Variants in GOLGA4 observed in about 807,000 individuals in gnomAD.
GOLGA4 encodes golgin A4, also known as golgin subfamily A member 4.
A neutral mutation model predicts 265.9 loss-of-function variants in GOLGA4; 169 were observed. The observed-to-expected ratio is 0.64, with a 90% CI of 0.56 to 0.72. The LOEUF (loss-of-function observed/expected upper bound fraction) is 0.72, where lower values mean the gene tolerates loss of function less well. Ranked by LOEUF, GOLGA4 falls within the 30% of genes least tolerant of loss-of-function variation. The pLI is 0.00. For missense variants in GOLGA4, 2,482 were observed against 2,483.4 expected, an observed-to-expected ratio of 1.00 and a Z score of 0.01; for synonymous variants, 923 against 855.8, an observed-to-expected ratio of 1.08 and a Z score of -1.37.
chr3:37,307,446 A>G (rs2150894893), intron 10 of GOLGA4, among the ~76,000 whole-genome samples: 1 of 152,334 alleles, frequency 6.6e-6, no homozygotes, highest in African/African-American at 2.4e-5. Flanking sequence ...AATTTATGTA[A>G]CAAAATTTTC....
At chr3:37,269,630 A>G (rs1189128081) in intron 2 of GOLGA4, among the ~76,000 whole-genome samples, 1 of 152,198 alleles carries the variant, frequency 6.6e-6, no homozygotes. Flanking sequence ...ACAAAATTTG[A>G]AAGCTGAAAG....
In GOLGA4 at chr3:37,344,492, CTTTTTTT is replaced by C. The variant is rs56761489; in HGVS notation, c.6473-2687_6473-2681del. 3.4e-5 allele frequency among the ~76,000 whole-genome samples: 4 copies of C among 118,204 alleles called. No individual in the cohort carries two copies. In the South Asian group the frequency reaches 8.2e-4, roughly 24 times the overall value. The allele number at this position is 118,204 out of a possible 152,430, so 77.5% of individuals were successfully genotyped here. A position where few individuals can be genotyped will look rare whatever the true frequency, so the allele number is the denominator to read the frequency against. On this transcript the variant is annotated intron_variant, in intron 20 of 23. Coordinates refer to ENST00000361924, the MANE Select transcript of GOLGA4 (RefSeq NM_002078.5). ...TATGCCTGCTCTAATACCTCACTGTCTTTTTTTTTTTTTTTTTTTTGGTAGAGATGAG... is the reference window on the plus strand; with the variant it reads ...TATGCCTGCTCTAATACCTCACTGTCTTTTTTTTTTTTTGGTAGAGATGAG...
intron 23 of GOLGA4, 62 bp from the exon 24 acceptor site, chr3:37,366,018 A>G (rs1559483761): frequency 5.8e-6 from 8 of 1,390,598 alleles, no homozygotes; most frequent in Non-Finnish European, 7.8e-6. Flanking sequence ...CAAAAAGTCA[A>G]CCTAAATGTT....
chr3:37,289,250 A>G lies in GOLGA4; in HGVS notation c.541A>G (p.Ser181Gly), dbSNP rs764309979. 20 of 1,594,168 alleles carry G rather than the reference A, an allele frequency of 1.3e-5. No homozygotes were observed. Among genetic ancestry groups the G allele is most frequent in the Non-Finnish European group, 1.7e-5 (20 of 1,164,674 alleles). ...TCAATTAAAGGGTATATTAAGTCAGAGTCAGGATAAATCACTTCGGAGAAT... is the reference window on the plus strand; with the variant it reads ...TCAATTAAAGGGTATATTAAGTCAGGGTCAGGATAAATCACTTCGGAGAAT... ...KKKLQGILSQ[S>G]QDKSLRRIAE... Residue 181 changes from serine (S) to glycine (G), a missense_variant, in exon 5 of 24, where the codon AGT (serine) becomes GGT (glycine). Physicochemically the swap from Ser to Gly is moderately conservative, Grantham distance 56. Coordinates refer to ENST00000361924, the MANE Select transcript of GOLGA4 (RefSeq NM_002078.5).
intron 3 of GOLGA4, among the ~76,000 whole-genome samples, chr3:37,283,098 A>G (rs1453865935): frequency 6.6e-6 from 1 of 152,222 alleles, no homozygotes; most frequent in African/African-American, 2.4e-5. Flanking sequence ...GAGTCAGTAT[A>G]TTAAAGATAG....
intron 2 of GOLGA4, among the ~76,000 whole-genome samples, chr3:37,269,454 A>G (rs567650949): frequency 6.6e-6 from 1 of 152,340 alleles, no homozygotes; most frequent in African/African-American, 2.4e-5. Context: ...AAAGAGAAGA[A>G]AATGTAGGGC....
At chr3:37,355,938 A>G (rs1188743320) in intron 22 of GOLGA4, among the ~76,000 whole-genome samples, 1 of 151,950 alleles carries the variant, frequency 6.6e-6, no homozygotes, top group Non-Finnish European at 1.5e-5. Context: ...CTATTTCATC[A>G]TACCAGCACT....
At chr3:37,244,342 G>A (rs142290973) in intron 1 of GOLGA4, among the ~76,000 whole-genome samples, 3 of 152,354 alleles carry the variant, frequency 2.0e-5, no homozygotes, top group African/African-American at 4.8e-5. Context: ...AAGTCTTGCT[G>A]CTCTGCGGAC....
chr3:37,244,262 C>T (rs1305670521), intron 1 of GOLGA4: 1 of 152,308 alleles, frequency 6.6e-6, no homozygotes, highest in African/African-American at 2.4e-5. Context: ...CTTCGCATAA[C>T]TTGGTTAATC....
intron 3 of GOLGA4, among the ~76,000 whole-genome samples, chr3:37,284,949 G>C (rs1312953168): frequency 6.6e-6 from 1 of 152,134 alleles, no homozygotes; most frequent in Non-Finnish European, 1.5e-5. Flanking sequence ...ACAGGTGTGA[G>C]CCACCATGCC....
intron 3 of GOLGA4, among the ~76,000 whole-genome samples, chr3:37,285,153 C>CTT (rs542285622): frequency 3.1e-5 from 4 of 127,646 alleles, no homozygotes; most frequent in Admixed American, 2.5e-4. Context: ...AGATGAGTAA[C>CTT]TTTTTTTTTT....
At chr3:37,359,909 A>G (rs1187875753) in intron 22 of GOLGA4, among the ~76,000 whole-genome samples, 1 of 152,160 alleles carries the variant, frequency 6.6e-6, no homozygotes, top group East Asian at 1.9e-4. Context: ...TGTCAAATAC[A>G]TATTTGTTTT....
At chr3:37,300,471 G>A (rs1157773665) in intron 9 of GOLGA4, among the ~76,000 whole-genome samples, 1 of 151,576 alleles carries the variant, frequency 6.6e-6, no homozygotes, top group African/African-American at 2.4e-5. Context: ...ACTTCTTGAG[G>A]GCCTACTTAA....
At chr3:37,292,638 G>A (rs924560065) in intron 5 of GOLGA4, among the ~76,000 whole-genome samples, 7 of 151,868 alleles carry the variant, frequency 4.6e-5, no homozygotes, top group African/African-American at 1.2e-4. Flanking sequence ...AGTGAGCCTA[G>A]ATCGCACCAC....
At chr3:37,342,202 C>T (rs1410502955) in intron 20 of GOLGA4, among the ~76,000 whole-genome samples, 1 of 151,926 alleles carries the variant, frequency 6.6e-6, no homozygotes, top group South Asian at 2.1e-4. Flanking sequence ...AAATTAGCCG[C>T]GTATGGTGGC....
chr3:37,302,174 C>G lies in GOLGA4; in HGVS notation c.1087-11C>G. 6.2e-7 allele frequency: 1 copy of G among 1,610,556 alleles called. No homozygotes were observed. The highest frequency in any genetic ancestry group is 8.5e-7 in the Non-Finnish European group (1 of 1,177,200). ...TTATGCAAATGTTTTAGAGTCTTCA[C>G]TTCTATTCAGGGAATGGTAATCGCA... On this transcript the variant is annotated splice_polypyrimidine_tract_variant and intron_variant, in intron 9 of 23. Coordinates refer to ENST00000361924, the MANE Select transcript of GOLGA4 (RefSeq NM_002078.5).
intron 22 of GOLGA4, among the ~76,000 whole-genome samples, chr3:37,357,558 A>G (rs1282717816): frequency 1.3e-5 from 2 of 152,220 alleles, no homozygotes; most frequent in African/African-American, 4.8e-5. Context: ...ATGAGATGAC[A>G]TGAATTAATC....
chr3:37,312,521 A>G (rs1287039558), intron 10 of GOLGA4, among the ~76,000 whole-genome samples: 1 of 150,174 alleles, frequency 6.7e-6, no homozygotes, highest in African/African-American at 2.5e-5. Flanking sequence ...TAGAATAGGA[A>G]TCTTTTTTTT....
intron 10 of GOLGA4, among the ~76,000 whole-genome samples, chr3:37,305,053 G>A (rs1425690137): frequency 6.6e-6 from 1 of 151,936 alleles, no homozygotes; most frequent in African/African-American, 2.4e-5. Context: ...TGAGTAGCTG[G>A]GTTTACAGAT....
Sources: allele counts gnomAD v4.1 joint callset (sites outside exome capture counted in the v4.1 genomes callset), GRCh38; gene constraint gnomAD v4.1.1; transcripts MANE v1.5; gene names NCBI Gene and HGNC (gene_info 2026-07-23, HGNC 2026-07-21).